UNC45B: variants seen among roughly 807,000 people sequenced by gnomAD.
UNC45B encodes the protein protein unc-45 homolog B.
Under a neutral mutation model 98.7 loss-of-function variants are expected in UNC45B, and 78 were observed. The observed-to-expected ratio is 0.79, with a 90% CI of 0.66 to 0.95. UNC45B has a LOEUF of 0.95. UNC45B is among the 40% of genes least tolerant of loss of function. The pLI is 0.00. For missense variants in UNC45B, 1,225 were observed against 1,184.9 expected (o/e 1.03, Z -0.50); for synonymous variants, 462 against 480.4 (o/e 0.96, Z 0.50).
intron 8 of UNC45B, among the ~76,000 whole-genome samples, chr17:35,160,805 C>T (rs2092097681): frequency 6.6e-6 from 1 of 152,172 alleles, no homozygotes; most frequent in African/African-American, 2.4e-5. Flanking sequence ...GAGGTGTTAC[C>T]CCTCTCCTCA....
Position 35,188,217 on chromosome 17 carries a change from G to C in UNC45B, c.*1658G>C, listed in dbSNP as rs1298011506. On this transcript the variant is annotated 3_prime_UTR_variant, in exon 20 of 20. Transcript: ENST00000394570. Reference sequence around the variant, plus strand: ...TTCATCATATCCTTATTATGATAGAGAATGACAACATTCAAAAGGGTGTGG... The same window carrying C: ...TTCATCATATCCTTATTATGATAGACAATGACAACATTCAAAAGGGTGTGG... The C allele has an allele frequency of 6.6e-6, 1 of 152,242 alleles. No individual in the cohort carries two copies. Among genetic ancestry groups the C allele is most frequent in the Non-Finnish European group, 1.5e-5 (1 of 68,046 alleles). The allele number at this position is 152,242 out of a possible 1,614,324, so 9.4% of individuals were successfully genotyped here. A position where few individuals can be genotyped will look rare whatever the true frequency, so the allele number is the denominator to read the frequency against.
At chr17:35,157,999 T>C (rs971657659) in intron 7 of UNC45B, among the ~76,000 whole-genome samples, 3 of 152,152 alleles carry the variant, frequency 2.0e-5, no homozygotes, top group Non-Finnish European at 4.4e-5. Flanking sequence ...CCTCAGCTTC[T>C]GGAGTTACTA....
intron 4 of UNC45B, among the ~76,000 whole-genome samples, chr17:35,151,783 G>A (rs1283230016): frequency 6.6e-6 from 1 of 152,202 alleles, no homozygotes; most frequent in African/African-American, 2.4e-5. Flanking sequence ...GCGAAGGAAA[G>A]ACCTCTCCGC....
chr17:35,183,644 G>A (rs953968439), intron 19 of UNC45B, 62 bp downstream of exon 19: 2 of 1,419,582 alleles, frequency 1.4e-6, no homozygotes, highest in Admixed American at 2.6e-5. Context: ...CCCACCCACA[G>A]ACCACACTGG....
At chr17:35,155,270 G>T in intron 6 of UNC45B, 26 bp from the exon 7 acceptor site, 1 of 1,610,624 alleles carries the variant, frequency 6.2e-7, no homozygotes, top group South Asian at 1.1e-5. Context: ...CAAGGCAGCT[G>T]ACCATGGTTC....
intron 9 of UNC45B, 24 bp from the exon 10 acceptor site, chr17:35,168,037 G>T: frequency 1.4e-6 from 2 of 1,430,668 alleles, no homozygotes; most frequent in South Asian, 3.4e-5. Context: ...CAGTTCTCTT[G>T]ACCACCCTTG....
rs1474008158 is a variant in UNC45B at position 35,171,446 on chromosome 17, C to T, written c.1814C>T (p.Pro605Leu). ...QLAKFSKQHV[P>L]EEHPKDKKDF... ...GCCAAGTTCTCCAAGCAGCATGTGC[C>T]CGAGGAACACCCCAAGGTAGGGTCA... is the stretch of plus-strand genomic sequence containing the variant. The change falls in exon 13 of 20, where the codon CCC becomes CTC. Residue 605 changes from proline to leucine, a missense_variant. Transcript: ENST00000394570. 2.5e-6 allele frequency: 4 copies of T among 1,614,080 alleles called. No individual in the cohort carries two copies. Among genetic ancestry groups the T allele is most frequent in the Non-Finnish European group, 3.4e-6 (4 of 1,179,976 alleles).
At position 35,169,876 on chromosome 17, in the gene UNC45B, GGTCTC is replaced by G; in HGVS notation, c.1493_1497del (p.Gly498GlufsTer44). 6.2e-7 allele frequency: 1 copy of G among 1,614,144 alleles called. No homozygotes were observed. Among genetic ancestry groups the G allele is most frequent in the Non-Finnish European group, 8.5e-7 (1 of 1,180,024 alleles). On this transcript the variant is annotated frameshift_variant, in exon 11 of 20. Transcript: ENST00000394570. LOFTEE classifies it high-confidence loss of function. ...CGGCTCTGCAGGTGGCACAGACTAC[GGTCTC>G]AGGCAGTTTGCGGAAGGGTCGACAG...
At chr17:35,161,413 A>G (rs2092101514) in intron 8 of UNC45B, among the ~76,000 whole-genome samples, 1 of 152,154 alleles carries the variant, frequency 6.6e-6, no homozygotes, top group African/African-American at 2.4e-5. Flanking sequence ...GACAGGAGGA[A>G]GGTCTAGAGT....
chr17:35,173,702 C>T (rs952579514), intron 13 of UNC45B, among the ~76,000 whole-genome samples: 3 of 152,032 alleles, frequency 2.0e-5, no homozygotes, highest in Non-Finnish European at 4.4e-5. Context: ...TGGGCCCACA[C>T]AGAAATCTAG....
intron 7 of UNC45B, among the ~76,000 whole-genome samples, chr17:35,157,504 A>G (rs1421655389): frequency 2.6e-5 from 4 of 152,244 alleles, no homozygotes; most frequent in African/African-American, 9.6e-5. Flanking sequence ...ACCTGGCCAC[A>G]TTTATAATTA....
At position 35,186,942 on chromosome 17, in the gene UNC45B, T is replaced by C. The variant is rs1227663176; in HGVS notation, c.*383T>C. The C allele has an allele frequency of 4.5e-6, 1 of 221,310 alleles. No homozygotes were observed. The highest frequency in any genetic ancestry group is 9.1e-6 in the Non-Finnish European group (1 of 109,542). The allele number at this position is 221,310 out of a possible 1,614,324, so 13.7% of individuals were successfully genotyped here. A position where few individuals can be genotyped will look rare whatever the true frequency, so the allele number is the denominator to read the frequency against. ...AGGTAGGAACTAACGGGTGTGTGCA[T>C]ATAAAGGTTAATGCTGTTGTATTTG... On this transcript the variant is annotated 3_prime_UTR_variant, in exon 20 of 20. Coordinates refer to ENST00000394570, the MANE Select transcript of UNC45B (RefSeq NM_001267052.2).
intron 18 of UNC45B, among the ~76,000 whole-genome samples, chr17:35,181,903 G>C (rs189644693): frequency 6.6e-6 from 1 of 152,010 alleles, no homozygotes; most frequent in Non-Finnish European, 1.5e-5. Flanking sequence ...GGGAGACAGA[G>C]AGTGTGTCCA....
intron 8 of UNC45B, among the ~76,000 whole-genome samples, chr17:35,159,804 G>A (rs1309027466): frequency 1.3e-5 from 2 of 152,128 alleles, no homozygotes; most frequent in African/African-American, 2.4e-5. Flanking sequence ...CTAGCAAATG[G>A]GGACAAGGAC....
At chr17:35,182,146 G>A (rs983694662) in intron 18 of UNC45B, among the ~76,000 whole-genome samples, 1 of 150,888 alleles carries the variant, frequency 6.6e-6, no homozygotes, top group Non-Finnish European at 1.5e-5. Flanking sequence ...GTAGAGTGCA[G>A]TGGTGTGATC....
intron 5 of UNC45B, 89 bp downstream of exon 5, chr17:35,153,071 C>G (rs1456065896): frequency 3.5e-6 from 4 of 1,144,976 alleles, no homozygotes; most frequent in Non-Finnish European, 3.8e-6. Context: ...GGACCGGAGG[C>G]CTGTCTTTGC....
chr17:35,165,461 A>ATGCTTAAAAGCATGTG (rs2092132091), intron 9 of UNC45B, among the ~76,000 whole-genome samples: 2 of 152,214 alleles, frequency 1.3e-5, no homozygotes, highest in Non-Finnish European at 2.9e-5. Flanking sequence ...TGGCTCAGGA[A>ATGCTTAAAAGCATGTG]GCTGCATGCT....
intron 14 of UNC45B, among the ~76,000 whole-genome samples, chr17:35,175,038 AGAAG>A (rs779295332): frequency 6.8e-6 from 1 of 146,518 alleles, no homozygotes; most frequent in African/African-American, 2.5e-5. Context: ...GAGAGAGGAA[AGAAG>A]GAAAGAAAGA....
intron 16 of UNC45B, 130 bp from the exon 17 acceptor site, chr17:35,177,365 C>G (rs1207373461): frequency 1.4e-6 from 1 of 731,210 alleles, no homozygotes. Flanking sequence ...CTGTCAGGAT[C>G]ATTGTGAGGA....
Sources: allele counts gnomAD v4.1 joint callset (sites outside exome capture counted in the v4.1 genomes callset), GRCh38; gene constraint gnomAD v4.1.1; transcripts MANE v1.5; gene names NCBI Gene and HGNC (gene_info 2026-07-23, HGNC 2026-07-21).